Variants in SPRYD7 observed in about 807,000 individuals in gnomAD.
SPRYD7 encodes the protein SPRY domain-containing protein 7.
SPRYD7 carries 14 observed loss-of-function variants against 23.8 expected under a neutral mutation model. The observed-to-expected ratio is 0.59, with a 90% confidence interval of 0.39 to 0.92. The LOEUF (loss-of-function observed/expected upper bound fraction) is 0.92, where lower values mean the gene tolerates loss of function less well. SPRYD7 is among the 40% of genes least tolerant of loss of function. The pLI is 0.00. For missense variants in SPRYD7, 194 were observed against 241.7 expected (o/e 0.80, Z 1.31); for synonymous variants, 75 against 84.9 (o/e 0.88, Z 0.64).
At chr13:49,927,493 G>GA (rs1185971099) in intron 3 of SPRYD7, among the ~76,000 whole-genome samples, 1,785 of 121,012 alleles carry the variant, frequency 0.015, 13 homozygotes, top group Admixed American at 0.026. Flanking sequence ...GAGACTCTAA[G>GA]AAAAAAAAAA....
At chr13:49,921,401 A>C in intron 4 of SPRYD7, 77 bp downstream of exon 4, 1 of 915,540 alleles carries the variant, frequency 1.1e-6, no homozygotes, top group Non-Finnish European at 1.8e-6. Flanking sequence ...TCTTTATAGC[A>C]GCATGAAAAC....
rs779271796 is a variant in SPRYD7, at chr13:49,924,997, T to TA, written c.390+2921dup. Among the ~76,000 whole-genome samples, 555 of 82,824 alleles carry TA rather than the reference T, an allele frequency of 6.7e-3. 3 individuals carry two copies. Among genetic ancestry groups the TA allele is most frequent in the Middle Eastern group, 0.021 (3 of 142 alleles). The allele number at this position is 82,824 out of a possible 152,430, so 54.3% of individuals were successfully genotyped here. A position where few individuals can be genotyped will look rare whatever the true frequency, so the allele number is the denominator to read the frequency against. ...ATCTCAAAAAAAAAAAATAAATAAA[T>TA]AATAATAATAATAATAATAATAATA... On this transcript the variant is annotated intron_variant, in intron 3 of 4. Coordinates refer to ENST00000361840, the MANE Select transcript of SPRYD7 (RefSeq NM_020456.4).
At chr13:49,926,128 T>C (rs1955880210) in intron 3 of SPRYD7, among the ~76,000 whole-genome samples, 1 of 152,228 alleles carries the variant, frequency 6.6e-6, no homozygotes, top group Admixed American at 6.5e-5. Flanking sequence ...TTTCTTTTCT[T>C]GGCTCTGCAT....
chr13:49,916,143 C>T (rs1425633847), intron 4 of SPRYD7, among the ~76,000 whole-genome samples: 3 of 151,908 alleles, frequency 2.0e-5, no homozygotes, highest in Non-Finnish European at 2.9e-5. Flanking sequence ...AAAACATGAC[C>T]GTAAAGCAAA....
At chr13:49,915,284 A>C (rs1955740427) in intron 4 of SPRYD7, 124 bp from the exon 5 acceptor site, 1 of 413,396 alleles carries the variant, frequency 2.4e-6, no homozygotes, top group African/African-American at 2.1e-5. Context: ...AAGAAGAATA[A>C]ATATATCTGC....
chr13:49,929,844 C>A (rs1321364956), intron 2 of SPRYD7, among the ~76,000 whole-genome samples: 3 of 151,406 alleles, frequency 2.0e-5, no homozygotes, highest in Non-Finnish European at 4.4e-5. Context: ...GGCTGCAGTG[C>A]AGTGGCATAA....
chr13:49,913,967 T>C lies in SPRYD7; in HGVS notation c.*1096A>G, dbSNP rs1209867141. On this transcript the variant is annotated 3_prime_UTR_variant, in exon 5 of 5. Coordinates refer to ENST00000361840, the MANE Select transcript of SPRYD7 (RefSeq NM_020456.4). Reference sequence around the variant, plus strand: ...ATAGGATGAGCAGCAAAACTACAATTTGGATCTCTTTCTAATTCTAACACT... The same window carrying C: ...ATAGGATGAGCAGCAAAACTACAATCTGGATCTCTTTCTAATTCTAACACT... 1 of 152,686 alleles carries C rather than the reference T, an allele frequency of 6.5e-6. No homozygotes were observed. Among genetic ancestry groups the C allele is most frequent in the Non-Finnish European group, 1.5e-5 (1 of 68,038 alleles). The allele number at this position is 152,686 out of a possible 1,614,324, so 9.5% of individuals were successfully genotyped here.
intron 4 of SPRYD7, among the ~76,000 whole-genome samples, chr13:49,920,713 C>A (rs994416450): frequency 2.0e-5 from 3 of 152,100 alleles, no homozygotes; most frequent in Admixed American, 6.6e-5. Flanking sequence ...GTAATCCCAG[C>A]ACTTTGGGAG....
chr13:49,931,139 AC>A lies in SPRYD7; in HGVS notation c.107-6del. ...TTACAATAACAACATCTGTTCCTAA[AC>A]AAAAAATGCAGACACTATGTAAAGT... On this transcript the variant is annotated splice_polypyrimidine_tract_variant and splice_region_variant and intron_variant, in intron 1 of 4. Transcript: ENST00000361840. 2.6e-6 allele frequency: 4 copies of A among 1,545,826 alleles called. No homozygotes were observed. Among genetic ancestry groups the A allele is most frequent in the Non-Finnish European group, 3.6e-6 (4 of 1,125,268 alleles).
intron 3 of SPRYD7, among the ~76,000 whole-genome samples, chr13:49,925,120 C>T (rs994885615): frequency 1.8e-4 from 28 of 151,586 alleles, no homozygotes; most frequent in Admixed American, 1.7e-3. Flanking sequence ...GGTCTGGGCA[C>T]GGTGGCTCAT....
chr13:49,915,560 G>A (rs1379333702), intron 4 of SPRYD7, among the ~76,000 whole-genome samples: 2 of 152,168 alleles, frequency 1.3e-5, no homozygotes, highest in Admixed American at 6.6e-5. Context: ...AGAGTCCAGT[G>A]CACCCTTTGT....
chr13:49,923,761 A>T (rs12585966), intron 3 of SPRYD7, among the ~76,000 whole-genome samples: 27,380 of 150,682 alleles, frequency 0.18, 2,810 homozygotes, highest in African/African-American at 0.27. Context: ...CCCGAAGTGC[A>T]GGGATTACAG....
rs1276819322 is a variant in SPRYD7, at chr13:49,928,019, A to G, written c.290T>C (p.Met97Thr). The G allele has an allele frequency of 3.7e-6, 6 of 1,614,184 alleles. No individual in the cohort carries two copies. Among genetic ancestry groups the G allele is most frequent in the South Asian group, 1.1e-5 (1 of 91,084 alleles). Residue 97 changes from methionine to threonine, a missense_variant, in exon 3 of 5, where the codon ATG (methionine) becomes ACG (threonine). Coordinates refer to ENST00000361840, the MANE Select transcript of SPRYD7 (RefSeq NM_020456.4). ...ATCATTTCTCATCACCAGACTGTGC[A>G]TATCTCGGCCAAGAGGAATCTGATT... ...NLNQIPLGRDMHSLVMRNDGA... is the reference protein window; with the variant it reads ...NLNQIPLGRDTHSLVMRNDGA...
rs1955709224 is a variant in SPRYD7, at chr13:49,913,119, G to A, written c.*1944C>T. ...GATGCTGATGTTGCCGGTCTGAGAA[G>A]CATCATGAGAACCACTTTCTGGCTG... On this transcript the variant is annotated 3_prime_UTR_variant, in exon 5 of 5. Coordinates refer to ENST00000361840, the MANE Select transcript of SPRYD7 (RefSeq NM_020456.4). 6.6e-6 allele frequency: 1 copy of A among 152,152 alleles called. No individual in the cohort carries two copies. Among genetic ancestry groups the A allele is most frequent in the South Asian group, 2.1e-4 (1 of 4,828 alleles). The allele number at this position is 152,152 out of a possible 1,614,324, so 9.4% of individuals were successfully genotyped here. A position where few individuals can be genotyped will look rare whatever the true frequency, so the allele number is the denominator to read the frequency against.
At position 49,921,822 on chromosome 13, in the gene SPRYD7, C is replaced by T. The variant is rs951328697; in HGVS notation, c.391-242G>A. 2.0e-5 allele frequency among the ~76,000 whole-genome samples: 3 copies of T among 152,122 alleles called. No homozygotes were observed. In the East Asian group the frequency reaches 5.8e-4, roughly 29 times the overall value. ...GTAAAACAAAGCCAACAGTTTAAAT[C>T]CTAGAATTATATTTGTATAATCTGG... On this transcript the variant is annotated intron_variant, in intron 3 of 4. Coordinates refer to ENST00000361840, the MANE Select transcript of SPRYD7 (RefSeq NM_020456.4).
At chr13:49,935,197 A>T in intron 1 of SPRYD7, among the ~76,000 whole-genome samples, 1 of 152,232 alleles carries the variant, frequency 6.6e-6, no homozygotes, top group Non-Finnish European at 1.5e-5. Context: ...AAATATTAAG[A>T]AGTGCCTTTT....
chr13:49,925,090 G>A (rs1014969343), intron 3 of SPRYD7, among the ~76,000 whole-genome samples: 2 of 151,796 alleles, frequency 1.3e-5, no homozygotes, highest in African/African-American at 4.8e-5. Flanking sequence ...ACTTAGAGCA[G>A]TGCCCATAAT....
At chr13:49,923,955 G>GGTTTTT (rs1432341991) in intron 3 of SPRYD7, among the ~76,000 whole-genome samples, 3 of 147,264 alleles carry the variant, frequency 2.0e-5, no homozygotes, top group African/African-American at 5.0e-5. Context: ...GTATGATCTT[G>GGTTTTT]GTTTTTGTTT....
Position 49,921,589 on chromosome 13 carries a change from GA to G in SPRYD7, c.391-10del. On this transcript the variant is annotated splice_polypyrimidine_tract_variant and intron_variant, in intron 3 of 4. Transcript: ENST00000361840. ...TGGTCATAAGTAATACCCTAGGAAG[GA>G]AAAAACAGAAACGTTCCATAAAAGC... The G allele has an allele frequency of 1.3e-6, 2 of 1,513,796 alleles. No homozygotes were observed. The highest frequency in any genetic ancestry group is 9.2e-7 in the Non-Finnish European group (1 of 1,091,936). The allele number at this position is 1,513,796 out of a possible 1,614,324, so 93.8% of individuals were successfully genotyped here.
Sources: allele counts gnomAD v4.1 joint callset (sites outside exome capture counted in the v4.1 genomes callset), GRCh38; gene constraint gnomAD v4.1.1; transcripts MANE v1.5; gene names NCBI Gene and HGNC (gene_info 2026-07-23, HGNC 2026-07-21).